Variants in ATP8A1 observed in about 807,000 individuals in gnomAD.
ATP8A1 encodes the protein ATPase phospholipid transporting 8A1.
A neutral mutation model predicts 177.7 loss-of-function variants in ATP8A1; 90 were observed. The observed-to-expected ratio is 0.51, with a 90% CI of 0.43 to 0.60. ATP8A1 has a LOEUF of 0.60. Ranked by LOEUF, ATP8A1 falls within the 20% of genes least tolerant of loss-of-function variation. The pLI is 0.00. For synonymous variants in ATP8A1, 493 were observed against 485.9 expected, an observed-to-expected ratio of 1.01 and a Z score of -0.19; for missense variants, 1,072 against 1,392.8, an observed-to-expected ratio of 0.77 and a Z score of 3.67.
chr4:42,573,492 A>C (rs2109323624), intron 14 of ATP8A1, among the ~76,000 whole-genome samples: 1 of 152,316 alleles, frequency 6.6e-6, no homozygotes, highest in Admixed American at 6.5e-5. Flanking sequence ...CTTCAGATAA[A>C]GAAGAAAGAT....
At chr4:42,503,586 T>C (rs1553889538) in intron 23 of ATP8A1, 72 bp from the exon 24 acceptor site, 13 of 996,644 alleles carry the variant, frequency 1.3e-5, no homozygotes, top group Non-Finnish European at 2.0e-5. Flanking sequence ...AACAATGATA[T>C]GTACTATGAA....
At chr4:42,568,955 A>G (rs1036185000) in intron 15 of ATP8A1, among the ~76,000 whole-genome samples, 1 of 152,182 alleles carries the variant, frequency 6.6e-6, no homozygotes, top group South Asian at 2.1e-4. Context: ...CCTAATCTAT[A>G]AACTACATGT....
At chr4:42,603,050 TA>T (rs1230363193) in intron 5 of ATP8A1, among the ~76,000 whole-genome samples, 1 of 152,064 alleles carries the variant, frequency 6.6e-6, no homozygotes, top group Non-Finnish European at 1.5e-5. Context: ...CCAATAGTAA[TA>T]CTTAGTTTTT....
At chr4:42,591,953 T>C (rs1211718832) in intron 6 of ATP8A1, among the ~76,000 whole-genome samples, 3 of 152,168 alleles carry the variant, frequency 2.0e-5, no homozygotes, top group Non-Finnish European at 2.9e-5. Context: ...GATAGTAAAT[T>C]AGGAGTATTC....
chr4:42,543,183 A>G (rs4449447), intron 20 of ATP8A1, among the ~76,000 whole-genome samples: 24,537 of 152,228 alleles, frequency 0.16, 2,434 homozygotes, highest in South Asian at 0.33. Flanking sequence ...ATGAATTTAA[A>G]TAATAGGCTT....
At chr4:42,563,831 A>G (rs929484343) in intron 15 of ATP8A1, among the ~76,000 whole-genome samples, 2 of 152,200 alleles carry the variant, frequency 1.3e-5, no homozygotes, top group African/African-American at 2.4e-5. Context: ...GTGGTGGCTC[A>G]TATCTGTAAT....
intron 25 of ATP8A1, among the ~76,000 whole-genome samples, chr4:42,479,710 A>C (rs1027261350): frequency 1.3e-5 from 2 of 152,222 alleles, no homozygotes; most frequent in Non-Finnish European, 2.9e-5. Context: ...GTCATCAAGA[A>C]TTTGGATGTG....
At chr4:42,516,154 G>C (rs1725516626) in intron 22 of ATP8A1, among the ~76,000 whole-genome samples, 3 of 152,136 alleles carry the variant, frequency 2.0e-5, no homozygotes, top group Non-Finnish European at 4.4e-5. Context: ...TCAAGCGCTG[G>C]AGACACAGTG....
chr4:42,649,852 A>G (rs1224302045), intron 1 of ATP8A1, among the ~76,000 whole-genome samples: 1 of 152,196 alleles, frequency 6.6e-6, no homozygotes, highest in Non-Finnish European at 1.5e-5. Context: ...TCATTCATTT[A>G]ACCAATGCCT....
chr4:42,466,122 C>A (rs561872274), intron 25 of ATP8A1, among the ~76,000 whole-genome samples: 1 of 150,580 alleles, frequency 6.6e-6, no homozygotes, highest in Non-Finnish European at 1.5e-5. Flanking sequence ...ACTGTCTACA[C>A]TGTATTGGAA....
In ATP8A1 at chr4:42,572,200, A is replaced by G. The variant is rs886809766; in HGVS notation, c.1295+2419T>C. Among the ~76,000 whole-genome samples, 5 of 152,170 alleles carry G rather than the reference A, an allele frequency of 3.3e-5. No individual in the cohort carries two copies. The South Asian group carries it at 1.0e-3, about 32-fold the overall frequency. On this transcript the variant is annotated intron_variant, in intron 14 of 36. Transcript: ENST00000381668. ...GGGCATAAACACCTTGCTTTCTTCC[A>G]CTGGGGTTAAAAGTGCTCATACATA...
intron 20 of ATP8A1, among the ~76,000 whole-genome samples, chr4:42,535,987 T>C (rs1465804390): frequency 2.0e-5 from 3 of 152,154 alleles, no homozygotes; most frequent in Non-Finnish European, 4.4e-5. Context: ...GTTCATAGCA[T>C]TAAATGTCTA....
At chr4:42,532,479 C>CAA (rs1205411363) in intron 20 of ATP8A1, among the ~76,000 whole-genome samples, 1 of 144,950 alleles carries the variant, frequency 6.9e-6, no homozygotes, top group African/African-American at 2.5e-5. Context: ...AACTCCATCT[C>CAA]AAAAAAAAAA....
chr4:42,489,817 G>GT (rs5857849), intron 24 of ATP8A1, among the ~76,000 whole-genome samples: 6,397 of 151,946 alleles, frequency 0.042, 167 homozygotes, highest in South Asian at 0.06. Flanking sequence ...CTGTTGTTTT[G>GT]TTTTTTTGGC....
In ATP8A1 at chr4:42,409,505, G is replaced by T. The variant is rs1344306992; in HGVS notation, c.*3411C>A. 1.3e-5 allele frequency: 2 copies of T among 152,080 alleles called. No individual in the cohort carries two copies. The highest frequency in any genetic ancestry group is 2.9e-5 in the Non-Finnish European group (2 of 67,978). The allele number at this position is 152,080 out of a possible 1,614,324, so 9.4% of individuals were successfully genotyped here. The stretch of plus-strand genomic sequence containing the variant: ...ATGTTACCTTAAGTCATTTACAAAA[G>T]AATTCCTGGTCCATGTGATGTGAAT... On this transcript the variant is annotated 3_prime_UTR_variant, in exon 37 of 37. Transcript: ENST00000381668.
chr4:42,440,050 C>T (rs577231692), intron 33 of ATP8A1, among the ~76,000 whole-genome samples: 21 of 152,250 alleles, frequency 1.4e-4, no homozygotes, highest in East Asian at 3.9e-4. Context: ...TGTGAGTTAC[C>T]GACAAGCACT....
Position 42,522,298 on chromosome 4 carries a change from C to T in ATP8A1, c.1809G>A (p.Gly603=), listed in dbSNP as rs780410287. 10 of 1,612,906 alleles carry T rather than the reference C, an allele frequency of 6.2e-6. No individual in the cohort carries two copies. The highest frequency in any genetic ancestry group is 6.8e-6 in the Non-Finnish European group (8 of 1,179,712). The change falls in exon 22 of 37, where the codon GGG becomes GGA. Residue 603 remains glycine, a splice_region_variant and synonymous_variant. Transcript: ENST00000381668. ...LKHLEQFATE[G]LRTLCFAVAE... ...CCACAGCAAAACATAAAGTTCTTAA[C>T]CCTGAAAAAGATAGCATACATCACC...
Position 42,616,041 on chromosome 4 carries a change from T to C in ATP8A1, c.401A>G (p.Gln134Arg). Residue 134 changes from glutamine to arginine, a missense_variant, in exon 5 of 37, where the codon CAA (glutamine) becomes CGA (arginine). Transcript: ENST00000381668. ...GCATGTAAAATTCCTACCTTGCGTTTGTTTCTTGTTCACTGCATTATCAGC... is the reference window on the plus strand; with the variant it reads ...GCATGTAAAATTCCTACCTTGCGTTCGTTTCTTGTTCACTGCATTATCAGC... ...HKADNAVNKK[Q>R]TQVLRNGAWE... 1.9e-6 allele frequency: 3 copies of C among 1,612,272 alleles called. No homozygotes were observed. The highest frequency in any genetic ancestry group is 1.7e-6 in the Non-Finnish European group (2 of 1,179,272).
chr4:42,514,951 T>C (rs946745049), intron 22 of ATP8A1, among the ~76,000 whole-genome samples: 2 of 152,244 alleles, frequency 1.3e-5, no homozygotes, highest in Non-Finnish European at 2.9e-5. Flanking sequence ...TACGTACTTA[T>C]GACACAGTTA....
Sources: allele counts gnomAD v4.1 joint callset (sites outside exome capture counted in the v4.1 genomes callset), GRCh38; gene constraint gnomAD v4.1.1; transcripts MANE v1.5; gene names NCBI Gene and HGNC (gene_info 2026-07-23, HGNC 2026-07-21).